Variants in FBXL20 observed in about 807,000 individuals in gnomAD.
The protein encoded by FBXL20 is F-box/LRR-repeat protein 20.
A neutral mutation model predicts 64.0 loss-of-function variants in FBXL20; 11 were observed. The observed-to-expected ratio is 0.17, with a 90% CI of 0.11 to 0.28. The LOEUF is 0.28. Ranked by LOEUF, FBXL20 falls within the 10% of genes least tolerant of loss-of-function variation. The probability of loss-of-function intolerance (pLI) is 1.00; values close to 1 mark genes in which losing one functional copy is unlikely to be tolerated. For synonymous variants in FBXL20, 184 were observed against 189.0 expected (o/e 0.97, Z 0.22); for missense variants, 303 against 526.2 (o/e 0.58, Z 4.15).
At chr17:39,333,126 T>A (rs1237421743) in intron 2 of FBXL20, among the ~76,000 whole-genome samples, 3 of 151,818 alleles carry the variant, frequency 2.0e-5, no homozygotes, top group African/African-American at 7.3e-5. Context: ...GGAAAAAAAT[T>A]CAGCTCTCCC....
At chr17:39,389,103 T>C (rs1441190303) in intron 1 of FBXL20, among the ~76,000 whole-genome samples, 1 of 36,580 alleles carries the variant, frequency 2.7e-5, no homozygotes, top group African/African-American at 1.7e-4. Flanking sequence ...AAACTCCATC[T>C]CAAAAAAAAA....
chr17:39,401,477 G>T lies in FBXL20; in HGVS notation c.-75C>A. Reference sequence around the variant, plus strand: ...CAGACCGGGGGCCCAGGACAGGCCCGGGAGTTCCGGGACGGGGACTGGGCG... The same window carrying T: ...CAGACCGGGGGCCCAGGACAGGCCCTGGAGTTCCGGGACGGGGACTGGGCG... On this transcript the variant is annotated 5_prime_UTR_variant, in exon 1 of 15. Coordinates refer to ENST00000264658, the MANE Select transcript of FBXL20 (RefSeq NM_032875.3). 1 of 1,527,444 alleles carries T rather than the reference G, an allele frequency of 6.5e-7. No individual in the cohort carries two copies. The highest frequency in any genetic ancestry group is 1.2e-5 in the South Asian group (1 of 82,272). The allele number at this position is 1,527,444 out of a possible 1,614,324, so 94.6% of individuals were successfully genotyped here.
In FBXL20 at chr17:39,305,656, C is replaced by T. The variant is rs193140029; in HGVS notation, c.105-2017G>A. 2.1e-3 allele frequency among the ~76,000 whole-genome samples: 321 copies of T among 152,150 alleles called. 3 individuals carry two copies. The highest frequency in any genetic ancestry group is 7.3e-3 in the African/African-American group (303 of 41,512). On this transcript the variant is annotated intron_variant, in intron 2 of 14. Transcript: ENST00000264658. ...CTTGAGGCCAAGAGTTTGAGAACAG[C>T]CTGGAAAATACAGTGAGACCCTGTC...
chr17:39,309,713 A>G (rs1202347708), intron 2 of FBXL20, among the ~76,000 whole-genome samples: 1 of 149,546 alleles, frequency 6.7e-6, no homozygotes. Context: ...ATTTGTTTGA[A>G]CCTGCGAGGC....
At chr17:39,367,105 G>A (rs777873568) in intron 1 of FBXL20, among the ~76,000 whole-genome samples, 12 of 151,578 alleles carry the variant, frequency 7.9e-5, no homozygotes, top group Non-Finnish European at 1.8e-4. Flanking sequence ...GGATGGTCTC[G>A]ATCTCCTGAC....
upstream of FBXL20, chr17:39,401,757 G>T (rs1394957246): frequency 2.8e-6 from 3 of 1,067,406 alleles, no homozygotes; most frequent in African/African-American, 1.7e-5. Flanking sequence ...GCGCGGCGGC[G>T]GCGGCGCGAG....
intron 2 of FBXL20, among the ~76,000 whole-genome samples, chr17:39,306,879 A>C (rs2047188183): frequency 6.6e-6 from 1 of 152,334 alleles, no homozygotes; most frequent in Non-Finnish European, 1.5e-5. Flanking sequence ...GGGTTAAGCA[A>C]GGAGCAACAC....
chr17:39,349,945 A>G (rs2047671887), intron 1 of FBXL20, among the ~76,000 whole-genome samples: 1 of 152,098 alleles, frequency 6.6e-6, no homozygotes, highest in Non-Finnish European at 1.5e-5. Context: ...CAAAAAAAAA[A>G]AAAAAAGATG....
Position 39,319,032 on chromosome 17 carries a change from C to T in FBXL20, c.105-15393G>A, listed in dbSNP as rs530255352. ...TTGGGAGGTCGAGGCAGGCAAATCA[C>T]GTGGTCAGGAGATTGAGACCAGCCT... On this transcript the variant is annotated intron_variant, in intron 2 of 14. Coordinates refer to ENST00000264658, the MANE Select transcript of FBXL20 (RefSeq NM_032875.3). Among the ~76,000 whole-genome samples the T allele has an allele frequency of 4.6e-5, 7 of 152,092 alleles. No individual in the cohort carries two copies. The South Asian group carries it at 1.2e-3, about 27-fold the overall frequency.
chr17:39,352,048 C>T (rs184668241), intron 1 of FBXL20, among the ~76,000 whole-genome samples: 68 of 152,206 alleles, frequency 4.5e-4, no homozygotes, highest in Non-Finnish European at 8.2e-4. Flanking sequence ...TGTGTGCACG[C>T]GCGTGCACGC....
chr17:39,273,150 T>G (rs1204756343), intron 10 of FBXL20, among the ~76,000 whole-genome samples: 1 of 152,078 alleles, frequency 6.6e-6, no homozygotes, highest in African/African-American at 2.4e-5. Flanking sequence ...CTCGAGTAGC[T>G]GGGATTACAG....
At chr17:39,340,325 G>A (rs1360194292) in intron 2 of FBXL20, among the ~76,000 whole-genome samples, 2 of 152,164 alleles carry the variant, frequency 1.3e-5, no homozygotes, top group African/African-American at 2.4e-5. Flanking sequence ...TCAATCTCCC[G>A]ACCTTGGGAT....
intron 2 of FBXL20, among the ~76,000 whole-genome samples, chr17:39,326,821 TCTCA>T (rs2047413744): frequency 6.7e-6 from 1 of 149,652 alleles, no homozygotes; most frequent in Non-Finnish European, 1.5e-5. Flanking sequence ...GAGACAGGGC[TCTCA>T]CTATGTTGCC....
chr17:39,393,174 AG>A (rs947257114), intron 1 of FBXL20, among the ~76,000 whole-genome samples: 3 of 151,734 alleles, frequency 2.0e-5, no homozygotes, highest in African/African-American at 7.3e-5. Context: ...CTGTAATCCC[AG>A]CTACTCAGGA....
At chr17:39,268,354 A>C (rs1158330017) in intron 12 of FBXL20, among the ~76,000 whole-genome samples, 2 of 152,088 alleles carry the variant, frequency 1.3e-5, no homozygotes, top group Non-Finnish European at 2.9e-5. Flanking sequence ...ATTCCATCTC[A>C]AAAAAATAAT....
intron 6 of FBXL20, among the ~76,000 whole-genome samples, chr17:39,287,968 C>CTTTTTTT (rs34161800): frequency 1.6e-5 from 2 of 123,854 alleles, no homozygotes; most frequent in African/African-American, 3.2e-5. Flanking sequence ...GTAATGAAAA[C>CTTTTTTT]TTTTTTTTTT....
At chr17:39,338,097 G>C (rs1008270233) in intron 2 of FBXL20, among the ~76,000 whole-genome samples, 27 of 152,352 alleles carry the variant, frequency 1.8e-4, no homozygotes, top group African/African-American at 5.8e-4. Flanking sequence ...GAATAGAAAG[G>C]GGGGAAAGGT....
chr17:39,273,551 G>C (rs555457740), intron 10 of FBXL20, among the ~76,000 whole-genome samples: 17 of 152,218 alleles, frequency 1.1e-4, no homozygotes, highest in African/African-American at 3.9e-4. Flanking sequence ...AACAAGGCTG[G>C]GTGTGGTGGC....
intron 6 of FBXL20, among the ~76,000 whole-genome samples, chr17:39,288,332 CTTCAGCCCA>C (rs2047007445): frequency 6.6e-6 from 1 of 152,152 alleles, no homozygotes; most frequent in African/African-American, 2.4e-5. Flanking sequence ...CTATCCAAGA[CTTCAGCCCA>C]TTTTTGTTCG....
Sources: allele counts gnomAD v4.1 joint callset (sites outside exome capture counted in the v4.1 genomes callset), GRCh38; gene constraint gnomAD v4.1.1; transcripts MANE v1.5; gene names NCBI Gene and HGNC (gene_info 2026-07-23, HGNC 2026-07-21).